Variants in LYRM1 observed in about 807,000 individuals in gnomAD.
LYRM1 encodes LYR motif containing 1.
Under a neutral mutation model 14.9 loss-of-function variants are expected in LYRM1, and 14 were observed. That is an observed-to-expected ratio of 0.94 (90% CI 0.62 to 1.47). LYRM1 has a LOEUF of 1.47. Among genes scored for constraint, LYRM1 ranks in the 40% most tolerant of loss-of-function variants. The pLI is 0.00. For missense variants in LYRM1, 153 were observed against 149.9 expected, an observed-to-expected ratio of 1.02 and a Z score of -0.11; for synonymous variants, 43 against 56.2, an observed-to-expected ratio of 0.77 and a Z score of 1.05.
chr16:20,917,112 C>T (rs1596779036), intron 2 of LYRM1, among the ~76,000 whole-genome samples: 1 of 151,782 alleles, frequency 6.6e-6, no homozygotes, highest in South Asian at 2.1e-4. Context: ...GCAACTTCCC[C>T]TTCTCTGAAT....
In LYRM1 at chr16:20,901,027, C is replaced by T. The variant is rs923382933; in HGVS notation, c.-1+138C>T. The T allele has an allele frequency of 6.6e-5, 10 of 152,364 alleles. No homozygotes were observed. Among genetic ancestry groups the T allele is most frequent in the Non-Finnish European group, 1.3e-4 (9 of 68,214 alleles). The allele number at this position is 152,364 out of a possible 1,614,324, so 9.4% of individuals were successfully genotyped here. ...ACGGGCCTGTGTGACCCCAGCTTCG[C>T]GGGGGCGGCTCGGTGTCATCGCCAC... On this transcript the variant is annotated intron_variant, in intron 1 of 3. Transcript: ENST00000567954. This position sits in a 1 kb window ranked among gnomAD's most constrained non-coding sequence, Gnocchi z 4.6.
At chr16:20,908,121 C>G (rs2082413535) in intron 1 of LYRM1, among the ~76,000 whole-genome samples, 1 of 152,134 alleles carries the variant, frequency 6.6e-6, no homozygotes, top group Non-Finnish European at 1.5e-5. Flanking sequence ...CCATTGGAGT[C>G]AGAGGGGACA....
chr16:20,908,347 T>C (rs770089191), intron 1 of LYRM1, among the ~76,000 whole-genome samples: 45 of 152,246 alleles, frequency 3.0e-4, no homozygotes, highest in Admixed American at 3.9e-4. Flanking sequence ...TTAGTTCCCT[T>C]TGTCACAACT....
chr16:20,909,665 T>C (rs1372169375), intron 1 of LYRM1, among the ~76,000 whole-genome samples: 1 of 152,174 alleles, frequency 6.6e-6, no homozygotes, highest in African/African-American at 2.4e-5. Flanking sequence ...TAAATCCATA[T>C]TCGGGAAAAG....
chr16:20,902,962 T>G (rs1238569415), intron 1 of LYRM1, among the ~76,000 whole-genome samples: 1 of 152,094 alleles, frequency 6.6e-6, no homozygotes, highest in African/African-American at 2.4e-5. Context: ...ACAATTACGA[T>G]CAGTTCCACA....
At position 20,915,699 on chromosome 16, in the gene LYRM1, C is replaced by G. The variant is rs774332134; in HGVS notation, c.144C>G (p.Phe48Leu). 6.2e-7 allele frequency: 1 copy of G among 1,613,786 alleles called. No homozygotes were observed. The highest frequency in any genetic ancestry group is 2.2e-5 in the East Asian group (1 of 44,874). The stretch of plus-strand genomic sequence containing the variant: ...TACTAAATGAAGCCAGAACGCTGTT[C>G]CGGAAAAACAAAAATGTAAGTAGGC... ...QYILNEARTL[F>L]RKNKNLTDTD... Residue 48 changes from phenylalanine to leucine, a missense_variant, in exon 2 of 4, where the codon TTC becomes TTG. Transcript: ENST00000567954.
At chr16:20,912,182 C>T (rs1008387269) in intron 1 of LYRM1, among the ~76,000 whole-genome samples, 3 of 152,114 alleles carry the variant, frequency 2.0e-5, no homozygotes, top group East Asian at 1.9e-4. Flanking sequence ...GCTTAAGTGA[C>T]CTGCCTGTCC....
chr16:20,906,270 G>A (rs1415889120), intron 1 of LYRM1, among the ~76,000 whole-genome samples: 1 of 152,192 alleles, frequency 6.6e-6, no homozygotes, highest in Non-Finnish European at 1.5e-5. Flanking sequence ...AAGTCAAAAG[G>A]TGGAAGCAGC....
chr16:20,901,440 G>C lies in LYRM1; in HGVS notation c.-1+551G>C, dbSNP rs1216275844. Among the ~76,000 whole-genome samples, 1 of 152,204 alleles carries C rather than the reference G, an allele frequency of 6.6e-6. No homozygotes were observed. Among genetic ancestry groups the C allele is most frequent in the Non-Finnish European group, 1.5e-5 (1 of 68,028 alleles). ...AGACCGGATGAGGTGACAGAAGATG[G>C]GGGGAGGGCCCCTCGAAATCGGGTA... On this transcript the variant is annotated intron_variant, in intron 1 of 3. Coordinates refer to ENST00000567954, the MANE Select transcript of LYRM1 (RefSeq NM_001128302.3). The surrounding 1 kb of genome is among the most constrained non-coding windows in gnomAD (Gnocchi z 4.6).
chr16:20,900,158 A>G (rs2081967248), upstream of LYRM1: 1 of 62,880 alleles, frequency 1.6e-5, no homozygotes. Context: ...TCATCTCTCA[A>G]TGCCCCCCCG....
chr16:20,921,724 A>C (rs2083201114), intron 3 of LYRM1: 1 of 135,920 alleles, frequency 7.4e-6, no homozygotes, highest in African/African-American at 2.6e-5. Flanking sequence ...AAAAAAAAAA[A>C]AAAAAAAAAT....
intron 2 of LYRM1, among the ~76,000 whole-genome samples, chr16:20,917,053 TAAAA>T (rs748728602): frequency 1.6e-5 from 2 of 122,902 alleles, no homozygotes; most frequent in Non-Finnish European, 3.5e-5. Flanking sequence ...CCCTGTCTCT[TAAAA>T]AAAAAAAAAA....
chr16:20,913,029 G>A (rs1487767776), intron 1 of LYRM1, among the ~76,000 whole-genome samples: 1 of 151,244 alleles, frequency 6.6e-6, no homozygotes, highest in Non-Finnish European at 1.5e-5. Context: ...TTGCGCCATT[G>A]CACTCCAGCC....
Position 20,924,585 on chromosome 16 carries a change from C to G in LYRM1, c.*469C>G, listed in dbSNP as rs1011345329. On this transcript the variant is annotated 3_prime_UTR_variant, in exon 4 of 4. Transcript: ENST00000567954. ...TTTTTGGTGTGTGCTTTTTTGTTGT[C>G]TTTTGACCCTTCCAGTTTCCAGACA... The G allele has an allele frequency of 2.0e-5, 3 of 149,908 alleles. No individual in the cohort carries two copies. Among genetic ancestry groups the G allele is most frequent in the Non-Finnish European group, 4.4e-5 (3 of 67,616 alleles). 9.3% of individuals were successfully genotyped at this position (149,908 alleles called of 1,614,324 possible).
rs992482249 is a variant in LYRM1 at position 20,901,379 on chromosome 16, TAAAG to T, written c.-1+493_-1+496del. Among the ~76,000 whole-genome samples the T allele has an allele frequency of 6.6e-6, 1 of 152,010 alleles. No homozygotes were observed. Among genetic ancestry groups the T allele is most frequent in the African/African-American group, 2.4e-5 (1 of 41,374 alleles). On this transcript the variant is annotated intron_variant, in intron 1 of 3. Transcript: ENST00000567954. The surrounding 1 kb of genome is among the most constrained non-coding windows in gnomAD (Gnocchi z 4.6). ...TGCAGGAGAGAGTTAAGTAAATCAA[TAAAG>T]AAGGTATCAGCAAGTGAGAAATGCC...
chr16:20,911,444 A>C (rs544806172), intron 1 of LYRM1, among the ~76,000 whole-genome samples: 2 of 152,132 alleles, frequency 1.3e-5, no homozygotes, highest in Non-Finnish European at 2.9e-5. Flanking sequence ...CTTTCCCTCC[A>C]TAAGTTGAAA....
intron 1 of LYRM1, among the ~76,000 whole-genome samples, chr16:20,912,009 C>T (rs1291336364): frequency 6.6e-6 from 1 of 151,498 alleles, no homozygotes; most frequent in Non-Finnish European, 1.5e-5. Flanking sequence ...AGTGCAATCT[C>T]AGCTTACTTT....
intron 2 of LYRM1, among the ~76,000 whole-genome samples, chr16:20,919,283 G>A (rs1414667045): frequency 6.6e-6 from 1 of 152,154 alleles, no homozygotes; most frequent in Non-Finnish European, 1.5e-5. Context: ...GGGGGTTTCA[G>A]GACAGCACTT....
rs2083374010 is a variant in LYRM1 at position 20,924,815 on chromosome 16, G to A, written c.*699G>A. The A allele has an allele frequency of 6.6e-6, 1 of 152,148 alleles. No individual in the cohort carries two copies. Among genetic ancestry groups the A allele is most frequent in the Non-Finnish European group, 1.5e-5 (1 of 68,038 alleles). 9.4% of individuals were successfully genotyped at this position (152,148 alleles called of 1,614,324 possible). ...CGTTAACATAATTGAAAAGTACAAG[G>A]TCCAAGCTGGCTTTCAAATTATGTC... is the stretch of plus-strand genomic sequence containing the variant. On this transcript the variant is annotated 3_prime_UTR_variant, in exon 4 of 4. Transcript: ENST00000567954.
Sources: allele counts gnomAD v4.1 joint callset (sites outside exome capture counted in the v4.1 genomes callset), GRCh38; gene constraint gnomAD v4.1.1; non-coding constraint Gnocchi (gnomAD v3.1); transcripts MANE v1.5; gene names NCBI Gene and HGNC (gene_info 2026-07-23, HGNC 2026-07-21).